RABGAP1: variants seen among roughly 807,000 people sequenced by gnomAD.
RABGAP1 encodes the protein rab GTPase-activating protein 1.
RABGAP1 carries 23 observed loss-of-function variants against 137.6 expected under a neutral mutation model. The ratio of observed to expected loss-of-function variants is 0.17; its 90% CI spans 0.12 to 0.24. The LOEUF (loss-of-function observed/expected upper bound fraction) is 0.24. RABGAP1 is among the 10% of genes least tolerant of loss of function. The probability of loss-of-function intolerance (pLI) is 1.00; values close to 1 mark genes in which losing one functional copy is unlikely to be tolerated. For missense variants in RABGAP1, 906 were observed against 1,275.8 expected, an observed-to-expected ratio of 0.71 and a Z score of 4.42; for synonymous variants, 451 against 450.7, an observed-to-expected ratio of 1.00 and a Z score of -0.01.
chr9:123,066,234 A>G (rs1411613739), intron 14 of RABGAP1, among the ~76,000 whole-genome samples: 3 of 152,232 alleles, frequency 2.0e-5, no homozygotes, highest in Non-Finnish European at 4.4e-5. Context: ...TTAAACTACA[A>G]GGACAGTTGA....
At chr9:123,048,651 G>C (rs145104841) in intron 13 of RABGAP1, among the ~76,000 whole-genome samples, 2 of 152,318 alleles carry the variant, frequency 1.3e-5, no homozygotes, top group Admixed American at 6.5e-5. Context: ...AGAAACATTT[G>C]TTTGGAATAT....
intron 13 of RABGAP1, chr9:123,034,944 T>C: frequency 1.9e-6 from 3 of 1,612,378 alleles, no homozygotes; most frequent in Non-Finnish European, 2.5e-6. Flanking sequence ...TCAGCATTGA[T>C]AGATACATTG....
At chr9:123,052,611 C>T (rs1364855584) in intron 13 of RABGAP1, among the ~76,000 whole-genome samples, 1 of 152,122 alleles carries the variant, frequency 6.6e-6, no homozygotes, top group East Asian at 1.9e-4. Context: ...ACCCTGAGCA[C>T]TCGTCTGAGA....
At chr9:122,982,618 A>G (rs994424440) in intron 2 of RABGAP1, among the ~76,000 whole-genome samples, 1 of 152,182 alleles carries the variant, frequency 6.6e-6, no homozygotes, top group Non-Finnish European at 1.5e-5. Context: ...TACCCTTGGA[A>G]AAATTAGTTT....
rs200730889 is a variant in RABGAP1 at position 123,035,579 on chromosome 9, T to C, written c.1794+15120T>C. The C allele has an allele frequency of 2.5e-6, 4 of 1,604,198 alleles. No individual in the cohort carries two copies. The Admixed American group carries it at 5.2e-5, about 21-fold the overall frequency. On this transcript the variant is annotated intron_variant, in intron 13 of 25. Coordinates refer to ENST00000373647, the MANE Select transcript of RABGAP1 (RefSeq NM_012197.4). ...ACTACAGCCAACGACCCTTACACAG[T>C]TAGAAGCAAAGGCCCTCTTAATGGA...
chr9:123,061,394 C>A (rs1366396613), intron 13 of RABGAP1, among the ~76,000 whole-genome samples: 1 of 152,206 alleles, frequency 6.6e-6, no homozygotes, highest in African/African-American at 2.4e-5. Context: ...GGATTACAGG[C>A]ATGAGCTACT....
At chr9:123,001,109 A>G (rs1292822862) in intron 10 of RABGAP1, among the ~76,000 whole-genome samples, 1 of 152,118 alleles carries the variant, frequency 6.6e-6, no homozygotes, top group African/African-American at 2.4e-5. Flanking sequence ...CGGCCTCCCA[A>G]AGTGCTGGGA....
intron 1 of RABGAP1, among the ~76,000 whole-genome samples, chr9:122,942,245 A>C (rs1162904451): frequency 1.3e-5 from 2 of 152,260 alleles, no homozygotes; most frequent in African/African-American, 4.8e-5. Context: ...TTTGAAAAGT[A>C]GTTGGGAAAA....
chr9:123,021,171 T>C (rs557490448), intron 13 of RABGAP1, among the ~76,000 whole-genome samples: 4 of 152,088 alleles, frequency 2.6e-5, no homozygotes, highest in Non-Finnish European at 5.9e-5. Flanking sequence ...AATGTATTGC[T>C]CAGAATCTTC....
At chr9:122,968,090 G>A (rs886635172) in intron 2 of RABGAP1, among the ~76,000 whole-genome samples, 4 of 147,208 alleles carry the variant, frequency 2.7e-5, no homozygotes, top group Admixed American at 6.7e-5. Flanking sequence ...GCGTTAATGT[G>A]TATATATGCA....
At chr9:123,036,987 C>T (rs1299804038) in intron 13 of RABGAP1, among the ~76,000 whole-genome samples, 2 of 152,032 alleles carry the variant, frequency 1.3e-5, no homozygotes, top group Non-Finnish European at 2.9e-5. Flanking sequence ...GAAGGAATTC[C>T]GGCAGCTCCA....
At chr9:123,034,636 A>T (rs535225883) in intron 13 of RABGAP1, 2 of 1,613,858 alleles carry the variant, frequency 1.2e-6, no homozygotes, top group Non-Finnish European at 1.7e-6. Context: ...CTATTTGGAA[A>T]CTGTCAATTT....
At chr9:123,088,921 CAG>C (rs376224912) in intron 19 of RABGAP1, among the ~76,000 whole-genome samples, 2 of 152,060 alleles carry the variant, frequency 1.3e-5, no homozygotes, top group African/African-American at 2.4e-5. Flanking sequence ...GACCACTGGA[CAG>C]AGGAAAAAGA....
At chr9:122,943,456 A>G (rs1223269996) in intron 1 of RABGAP1, among the ~76,000 whole-genome samples, 2 of 152,200 alleles carry the variant, frequency 1.3e-5, no homozygotes, top group African/African-American at 4.8e-5. Context: ...AAGTTAACCT[A>G]TCAGCTATGT....
intron 13 of RABGAP1, among the ~76,000 whole-genome samples, chr9:123,051,151 C>T (rs189759541): frequency 2.8e-5 from 4 of 143,690 alleles, no homozygotes; most frequent in African/African-American, 5.1e-5. Flanking sequence ...AAGATACATG[C>T]CCCCAGCATT....
In RABGAP1 at chr9:123,020,402, A is replaced by G. The variant is rs764950593; in HGVS notation, c.1737A>G (p.Leu579=). The G allele has an allele frequency of 1.2e-6, 2 of 1,607,830 alleles. No individual in the cohort carries two copies. The highest frequency in any genetic ancestry group is 1.7e-5 in the Admixed American group (1 of 59,264). ...TTCGAGGAGAAGTCTGGCAGCTGCT[A>G]GCAGGCTGTCATAACAATGACCACC... The part of the protein sequence containing the change: ...EALRGEVWQL[L]AGCHNNDHLV... Residue 579 remains leucine (L), a synonymous_variant, in exon 13 of 26, where the codon CTA becomes CTG. Coordinates refer to ENST00000373647, the MANE Select transcript of RABGAP1 (RefSeq NM_012197.4).
At chr9:122,933,016 C>A in the RABGAP1 span, among the ~76,000 whole-genome samples, 2 of 152,084 alleles carry the variant, frequency 1.3e-5, no homozygotes, top group African/African-American at 2.4e-5. Flanking sequence ...CTGGTGAATA[C>A]CTCATGTGCT....
At chr9:122,954,340 A>T (rs1358178191) in intron 1 of RABGAP1, among the ~76,000 whole-genome samples, 1 of 152,208 alleles carries the variant, frequency 6.6e-6, no homozygotes, top group Non-Finnish European at 1.5e-5. Flanking sequence ...ATCTTATTGT[A>T]TAATTTTTCC....
intron 15 of RABGAP1, among the ~76,000 whole-genome samples, chr9:123,072,354 A>G (rs2034383511): frequency 1.3e-5 from 2 of 152,208 alleles, no homozygotes. Context: ...TGACATGAAT[A>G]AAGAGGTTGA....
Sources: allele counts gnomAD v4.1 joint callset (sites outside exome capture counted in the v4.1 genomes callset), GRCh38; gene constraint gnomAD v4.1.1; transcripts MANE v1.5; gene names NCBI Gene and HGNC (gene_info 2026-07-23, HGNC 2026-07-21).